Variants in AP1G1 observed in about 807,000 individuals in gnomAD.
AP1G1 encodes the protein AP-1 complex subunit gamma-1.
AP1G1 carries 7 observed loss-of-function variants against 108.3 expected under a neutral mutation model. The observed-to-expected ratio is 0.06, with a 90% CI of 0.04 to 0.12. The LOEUF (loss-of-function observed/expected upper bound fraction) is 0.12, where lower values mean the gene tolerates loss of function less well. Among genes scored for constraint, AP1G1 ranks in the 10% least tolerant of loss-of-function variants. The pLI is 1.00. For missense variants in AP1G1, 756 were observed against 1,010.7 expected (o/e 0.75, Z 3.42); for synonymous variants, 379 against 353.5 (o/e 1.07, Z -0.81).
In AP1G1 at chr16:71,766,756, A is replaced by G. The variant is rs190147303; in HGVS notation, c.643-1172T>C. 4.0e-3 allele frequency among the ~76,000 whole-genome samples: 615 copies of G among 152,350 alleles called. 3 individuals carry two copies. The highest frequency in any genetic ancestry group is 0.014 in the African/African-American group (587 of 41,586). On this transcript the variant is annotated intron_variant, in intron 6 of 22. Transcript: ENST00000299980. ...CCAAGGCATGCACTCAAAGCATTCAAAACATTAAGGCCACTTATAAACACA... is the reference window on the plus strand; with the variant it reads ...CCAAGGCATGCACTCAAAGCATTCAGAACATTAAGGCCACTTATAAACACA...
intron 4 of AP1G1, chr16:71,772,992 TAGG>T (rs2031635058): frequency 1.6e-6 from 1 of 613,748 alleles, no homozygotes; most frequent in African/African-American, 1.8e-5. Flanking sequence ...TCAGATAACT[TAGG>T]AATTTGGTAT....
chr16:71,776,383 T>C (rs917057008), intron 2 of AP1G1, among the ~76,000 whole-genome samples: 2 of 152,204 alleles, frequency 1.3e-5, no homozygotes, highest in African/African-American at 4.8e-5. Flanking sequence ...ATTATGTAAG[T>C]AACAAATCTT....
chr16:71,739,280 CAAG>C lies in AP1G1; in HGVS notation c.2058_2060del (p.Phe686del). 6.2e-7 allele frequency: 1 copy of C among 1,613,106 alleles called. No individual in the cohort carries two copies. The highest frequency in any genetic ancestry group is 8.5e-7 in the Non-Finnish European group (1 of 1,179,786). On this transcript the variant is annotated inframe_deletion, in exon 20 of 23. Transcript: ENST00000299980. ...GAGGCTGTGATGAAAGCCCATCCAA[CAAG>C]AAGGGGGGCTGGGATATCTGTGGGA...
intron 5 of AP1G1, 38 bp downstream of exon 5, chr16:71,771,118 T>A: frequency 7.7e-7 from 1 of 1,303,994 alleles, no homozygotes; most frequent in South Asian, 1.2e-5. Context: ...TTTCCCTTTC[T>A]CCCTCAATAC....
chr16:71,760,843 A>G (rs373075839), intron 10 of AP1G1, among the ~76,000 whole-genome samples: 21 of 152,290 alleles, frequency 1.4e-4, no homozygotes, highest in Admixed American at 9.2e-4. Context: ...CACTACGCCT[A>G]GCTTCCACAT....
chr16:71,735,595 G>A (rs1027814867), intron 21 of AP1G1, among the ~76,000 whole-genome samples: 1 of 151,678 alleles, frequency 6.6e-6, no homozygotes, highest in Non-Finnish European at 1.5e-5. Context: ...CCAGGAGGTT[G>A]TGGTGAGCCG....
intron 22 of AP1G1, 45 bp downstream of exon 22, chr16:71,734,564 T>C: frequency 7.6e-6 from 11 of 1,449,378 alleles, no homozygotes; most frequent in Non-Finnish European, 1.1e-5. Flanking sequence ...TCGGGAAATA[T>C]GCTTACACTT....
intron 2 of AP1G1, among the ~76,000 whole-genome samples, chr16:71,776,879 G>T (rs868761252): frequency 9.3e-4 from 142 of 152,074 alleles, no homozygotes; most frequent in Middle Eastern, 3.4e-3. Context: ...GGAGGCCAAG[G>T]TGGATGGATC....
At chr16:71,805,232 G>A (rs1187197975) in intron 1 of AP1G1, among the ~76,000 whole-genome samples, 1 of 152,118 alleles carries the variant, frequency 6.6e-6, no homozygotes, top group Admixed American at 6.6e-5. Flanking sequence ...TGGATCACTT[G>A]AGCTCAGGAG....
At chr16:71,749,481 T>TAAA (rs58512452) in intron 15 of AP1G1, among the ~76,000 whole-genome samples, 1 of 145,996 alleles carries the variant, frequency 6.8e-6, no homozygotes, top group African/African-American at 2.5e-5. Flanking sequence ...GAGACTCTAT[T>TAAA]AAAAAAAAAA....
Position 71,763,231 on chromosome 16 carries a change from T to C in AP1G1, c.918+1119A>G, listed in dbSNP as rs991008601. The stretch of plus-strand genomic sequence containing the variant: ...AAAAAAGAAGTGAAGTGTTGAATGA[T>C]TGTGTGAGAGTAGAGAGTAAAAAGT... On this transcript the variant is annotated intron_variant, in intron 9 of 22. Coordinates refer to ENST00000299980, the MANE Select transcript of AP1G1 (RefSeq NM_001128.6). 2.0e-4 allele frequency among the ~76,000 whole-genome samples: 31 copies of C among 152,276 alleles called. 1 individual carries two copies. The highest frequency in any genetic ancestry group is 1.0e-3 in the Admixed American group (16 of 15,290).
intron 2 of AP1G1, among the ~76,000 whole-genome samples, chr16:71,776,800 T>G (rs1567656073): frequency 6.6e-6 from 1 of 152,038 alleles, no homozygotes; most frequent in Non-Finnish European, 1.5e-5. Flanking sequence ...GCACGACCAT[T>G]TCTTATTAAA....
intron 2 of AP1G1, among the ~76,000 whole-genome samples, chr16:71,783,115 G>C (rs112058153): frequency 6.6e-6 from 1 of 152,084 alleles, no homozygotes; most frequent in African/African-American, 2.4e-5. Flanking sequence ...GTGAGAAAGC[G>C]TGTCTACTAA....
chr16:71,798,552 T>C (rs2032667698), intron 1 of AP1G1, among the ~76,000 whole-genome samples: 1 of 151,658 alleles, frequency 6.6e-6, no homozygotes, highest in South Asian at 2.1e-4. Context: ...GGGATATATA[T>C]AATTACCTGA....
At chr16:71,743,602 CAAAAAAAAA>C in intron 19 of AP1G1, 1 of 112,282 alleles carries the variant, frequency 8.9e-6, no homozygotes, top group Non-Finnish European at 2.0e-5. Context: ...GACTCTGTCT[CAAAAAAAAA>C]AAAAAAAAGA....
chr16:71,742,227 T>A (rs894550589), intron 19 of AP1G1: 1 of 152,084 alleles, frequency 6.6e-6, no homozygotes, highest in African/African-American at 2.4e-5. Flanking sequence ...GATACAGGAA[T>A]GTTCAGAAAG....
chr16:71,776,320 G>A lies in AP1G1; in HGVS notation c.202-1728C>T, dbSNP rs1253251163. Among the ~76,000 whole-genome samples, 3 of 152,120 alleles carry A rather than the reference G, an allele frequency of 2.0e-5. No individual in the cohort carries two copies. In the East Asian group the frequency reaches 5.8e-4, roughly 29 times the overall value. On this transcript the variant is annotated intron_variant, in intron 2 of 22. Transcript: ENST00000299980. Reference sequence around the variant, plus strand: ...ACGAGCATTTCAAAGAAGTCTCCAAGGAACATAACCAGGATCAAAAAGGAA... The same window carrying A: ...ACGAGCATTTCAAAGAAGTCTCCAAAGAACATAACCAGGATCAAAAAGGAA...
intron 1 of AP1G1, among the ~76,000 whole-genome samples, chr16:71,789,780 A>C (rs372922474): frequency 4.3e-4 from 65 of 152,374 alleles, no homozygotes; most frequent in Non-Finnish European, 8.1e-4. Context: ...AATATCTCAG[A>C]AACTAATACA....
At chr16:71,805,588 T>G (rs9928440) in intron 1 of AP1G1, among the ~76,000 whole-genome samples, 96 of 152,342 alleles carry the variant, frequency 6.3e-4, no homozygotes, top group African/African-American at 2.1e-3. Flanking sequence ...TAAGTCCTGC[T>G]ATATACACAA....
Sources: gnomAD v4.1 joint callset for allele counts (sites outside exome capture counted in the v4.1 genomes callset) on GRCh38, gnomAD v4.1.1 for gene constraint, MANE v1.5 for transcripts, NCBI Gene and HGNC (gene_info 2026-07-23, HGNC 2026-07-21) for gene names.